The following SYT1 variants were observed in gnomAD, a reference collection of about 807,000 sequenced individuals.
SYT1 encodes synaptotagmin-1.
SYT1 carries 8 observed loss-of-function variants against 44.8 expected under a neutral mutation model. The observed-to-expected ratio is 0.18, with a 90% CI of 0.10 to 0.32. SYT1 has a LOEUF of 0.32. Ranked by LOEUF, SYT1 falls within the 10% of genes least tolerant of loss-of-function variation. SYT1 has a pLI of 1.00. For missense variants in SYT1, 286 were observed against 509.3 expected (o/e 0.56, Z 4.22); for synonymous variants, 154 against 188.8 (o/e 0.82, Z 1.51).
intron 2 of SYT1, among the ~76,000 whole-genome samples, chr12:79,037,694 T>A (rs1180030569): frequency 6.6e-6 from 1 of 151,756 alleles, no homozygotes; most frequent in African/African-American, 2.4e-5. Context: ...TCCAAGAAAG[T>A]CCATATTCTG....
intron 1 of SYT1, among the ~76,000 whole-genome samples, chr12:78,972,032 A>T (rs1868416611): frequency 6.6e-6 from 1 of 152,120 alleles, no homozygotes; most frequent in African/African-American, 2.4e-5. Context: ...CATAATCCTA[A>T]TGTCTGTTTT....
intron 2 of SYT1, among the ~76,000 whole-genome samples, chr12:79,013,234 G>GGT (rs140023138): frequency 0.051 from 7,734 of 151,438 alleles, 299 homozygotes; most frequent in African/African-American, 0.11. Context: ...ATTGTGTGTT[G>GGT]GTGTGTGTGT....
chr12:79,198,613 G>A lies in SYT1; in HGVS notation c.-17-18890G>A, dbSNP rs188929055. ...CATGAACTCTCTCTGGACGGTTTTGGAATTTCATGCCCAAATCAACTTGAA... is the reference window on the plus strand; with the variant it reads ...CATGAACTCTCTCTGGACGGTTTTGAAATTTCATGCCCAAATCAACTTGAA... On this transcript the variant is annotated intron_variant, in intron 3 of 10. Transcript: ENST00000261205. 3.2e-3 allele frequency among the ~76,000 whole-genome samples: 492 copies of A among 152,076 alleles called. 2 individuals carry two copies. The highest frequency in any genetic ancestry group is 5.4e-3 in the Non-Finnish European group (370 of 67,962).
intron 4 of SYT1, among the ~76,000 whole-genome samples, chr12:79,238,560 A>G (rs938194779): frequency 5.3e-5 from 8 of 152,234 alleles, no homozygotes; most frequent in African/African-American, 1.9e-4. Context: ...GTTCTCTTCC[A>G]TAAGAGGACA....
chr12:78,935,457 A>G (rs368002121), intron 1 of SYT1, among the ~76,000 whole-genome samples: 22 of 152,176 alleles, frequency 1.4e-4, no homozygotes, highest in African/African-American at 5.1e-4. Context: ...ATTCATCAGA[A>G]GAAAGGCTAT....
chr12:79,107,769 C>G (rs1349272779), intron 3 of SYT1, among the ~76,000 whole-genome samples: 1 of 151,880 alleles, frequency 6.6e-6, no homozygotes, highest in Non-Finnish European at 1.5e-5. Flanking sequence ...TGTTGTATCA[C>G]TGATGACTGC....
chr12:79,117,537 C>T (rs1486395540), intron 3 of SYT1, among the ~76,000 whole-genome samples: 13 of 150,784 alleles, frequency 8.6e-5, no homozygotes, highest in Admixed American at 5.3e-4. Context: ...TTAGCTGCAG[C>T]CACAGTTTCA....
chr12:79,324,457 C>T (rs1173112086), intron 8 of SYT1, among the ~76,000 whole-genome samples: 3 of 152,070 alleles, frequency 2.0e-5, no homozygotes, highest in Non-Finnish European at 4.4e-5. Context: ...CTCTTAACAC[C>T]TCTGCCAGCA....
chr12:79,048,646 C>T (rs1874247073), intron 3 of SYT1, among the ~76,000 whole-genome samples: 1 of 151,818 alleles, frequency 6.6e-6, no homozygotes. Context: ...TTAAAAACTA[C>T]TCTTTGATTT....
At chr12:79,447,203 C>G (rs528232394) in intron 10 of SYT1, among the ~76,000 whole-genome samples, 3 of 151,746 alleles carry the variant, frequency 2.0e-5, no homozygotes, top group Non-Finnish European at 4.4e-5. Context: ...CCTTGAGTCA[C>G]TTTGTTCTTT....
intron 3 of SYT1, among the ~76,000 whole-genome samples, chr12:79,105,334 A>G (rs1015138242): frequency 2.6e-5 from 4 of 152,234 alleles, no homozygotes; most frequent in Non-Finnish European, 5.9e-5. Context: ...CTAACAAAGT[A>G]ACCATTCTAG....
intron 3 of SYT1, among the ~76,000 whole-genome samples, chr12:79,109,350 A>T (rs1352612910): frequency 6.6e-6 from 1 of 152,156 alleles, no homozygotes; most frequent in Non-Finnish European, 1.5e-5. Context: ...TATGTGATGG[A>T]TGTTACTGCT....
chr12:79,362,799 T>C lies in SYT1; in HGVS notation c.928+9180T>C, dbSNP rs554283916. ...AAAGAGAATAGATAAAAGGGATAGCTATTCAGGATGATCTCAAAGGCACCT... is the reference window on the plus strand; with the variant it reads ...AAAGAGAATAGATAAAAGGGATAGCCATTCAGGATGATCTCAAAGGCACCT... On this transcript the variant is annotated intron_variant, in intron 9 of 10. Coordinates refer to ENST00000261205, the MANE Select transcript of SYT1 (RefSeq NM_005639.3). 4.6e-5 allele frequency among the ~76,000 whole-genome samples: 7 copies of C among 152,338 alleles called. No individual in the cohort carries two copies. In the South Asian group the frequency reaches 1.5e-3, roughly 32 times the overall value.
At chr12:79,257,655 T>A (rs1241043937) in intron 4 of SYT1, among the ~76,000 whole-genome samples, 3 of 152,086 alleles carry the variant, frequency 2.0e-5, no homozygotes, top group Non-Finnish European at 4.4e-5. Context: ...CCCCGGCTGA[T>A]TTTTTGTATT....
chr12:79,048,275 A>T (rs1874220713), intron 3 of SYT1, among the ~76,000 whole-genome samples: 1 of 151,860 alleles, frequency 6.6e-6, no homozygotes, highest in African/African-American at 2.4e-5. Context: ...TGTAAGTTTG[A>T]TATATAAAAA....
chr12:78,931,193 A>G (rs1240353620), intron 1 of SYT1, among the ~76,000 whole-genome samples: 1 of 21,796 alleles, frequency 4.6e-5, no homozygotes, highest in Non-Finnish European at 7.1e-5. Context: ...GAAAGAAAGA[A>G]AGAAAGAAAG....
At chr12:79,024,548 G>A (rs1460440032) in intron 2 of SYT1, among the ~76,000 whole-genome samples, 8 of 151,628 alleles carry the variant, frequency 5.3e-5, no homozygotes, top group Admixed American at 5.3e-4. Context: ...AGATACCTGA[G>A]CAGTTTGTTC....
intron 4 of SYT1, among the ~76,000 whole-genome samples, chr12:79,277,536 A>G (rs1878803654): frequency 6.6e-6 from 1 of 152,176 alleles, no homozygotes; most frequent in Non-Finnish European, 1.5e-5. Flanking sequence ...CATCAAAGCA[A>G]AAGGTTGATA....
chr12:79,036,003 C>T (rs781322862), intron 2 of SYT1, among the ~76,000 whole-genome samples: 1 of 151,526 alleles, frequency 6.6e-6, no homozygotes, highest in Non-Finnish European at 1.5e-5. Context: ...AACCATCCAG[C>T]CTTCATGGCT....
Sources: gnomAD v4.1 joint callset for allele counts (sites outside exome capture counted in the v4.1 genomes callset) on GRCh38, gnomAD v4.1.1 for gene constraint, MANE v1.5 for transcripts, NCBI Gene and HGNC (gene_info 2026-07-23, HGNC 2026-07-21) for gene names.